CENPW: variants seen among roughly 807,000 people sequenced by gnomAD.
The protein encoded by CENPW is cancer-up-regulated gene 2 protein.
A neutral mutation model predicts 11.1 loss-of-function variants in CENPW; 3 were observed. The ratio of observed to expected loss-of-function variants is 0.27; its 90% CI spans 0.12 to 0.70. CENPW has a LOEUF of 0.70. CENPW is among the 30% of genes least tolerant of loss of function. The pLI is 0.77. For missense variants in CENPW, 100 were observed against 105.6 expected (o/e 0.95, Z 0.23); for synonymous variants, 38 against 42.0 (o/e 0.91, Z 0.37).
chr6:126,401,357 C>T, the CENPW span, among the ~76,000 whole-genome samples: 1 of 151,970 alleles, frequency 6.6e-6, no homozygotes, highest in Admixed American at 6.6e-5. Context: ...GAGGGTGTCT[C>T]TCTAGCCTCC....
the CENPW span, among the ~76,000 whole-genome samples, chr6:126,438,520 C>T: frequency 3.3e-5 from 5 of 151,652 alleles, no homozygotes; most frequent in Non-Finnish European, 7.4e-5. Context: ...GCAGCAGTGC[C>T]TTTTCAGCTG....
At chr6:126,433,821 C>T in the CENPW span, among the ~76,000 whole-genome samples, 15 of 151,996 alleles carry the variant, frequency 9.9e-5, no homozygotes, top group East Asian at 7.7e-4. Context: ...GTAAGGGGAA[C>T]GGCTGAATTT....
At chr6:126,429,924 T>C in the CENPW span, among the ~76,000 whole-genome samples, 1 of 152,230 alleles carries the variant, frequency 6.6e-6, no homozygotes, top group Non-Finnish European at 1.5e-5. Context: ...TTAATTTTGA[T>C]ACAGTTTTTC....
chr6:126,424,645 G>A, the CENPW span, among the ~76,000 whole-genome samples: 5 of 152,074 alleles, frequency 3.3e-5, no homozygotes, highest in Non-Finnish European at 5.9e-5. Flanking sequence ...ACCACTGTTC[G>A]GGGTGCTGTG....
At chr6:126,454,837 A>T in the CENPW span, among the ~76,000 whole-genome samples, 2 of 149,860 alleles carry the variant, frequency 1.3e-5, no homozygotes, top group Non-Finnish European at 3.0e-5. Flanking sequence ...CTAGACAAAT[A>T]AAAAAAGAAA....
At chr6:126,461,956 A>T in the CENPW span, among the ~76,000 whole-genome samples, 1 of 151,964 alleles carries the variant, frequency 6.6e-6, no homozygotes, top group South Asian at 2.1e-4. Context: ...TTCTAACAAC[A>T]TTGTAAGGTG....
At chr6:126,378,800 T>C in the CENPW span, among the ~76,000 whole-genome samples, 1 of 152,104 alleles carries the variant, frequency 6.6e-6, no homozygotes, top group Admixed American at 6.6e-5. Context: ...ATAGCTGCAC[T>C]CTTTAGAGAA....
chr6:126,350,380 G>A (rs982884323), downstream of CENPW, among the ~76,000 whole-genome samples: 2 of 152,102 alleles, frequency 1.3e-5, no homozygotes, highest in Admixed American at 1.3e-4. Context: ...CTTCTGAGTT[G>A]CAGACTGCTA....
the CENPW span, among the ~76,000 whole-genome samples, chr6:126,388,366 G>T: frequency 6.6e-6 from 1 of 151,968 alleles, no homozygotes; most frequent in Non-Finnish European, 1.5e-5. Context: ...GCGATTTACA[G>T]ATAGCACCGG....
downstream of CENPW, among the ~76,000 whole-genome samples, chr6:126,351,816 A>G (rs983835555): frequency 6.6e-6 from 1 of 151,792 alleles, no homozygotes; most frequent in African/African-American, 2.4e-5. Context: ...ATTGATGAAC[A>G]TGAGATGGGT....
At chr6:126,384,790 C>A in the CENPW span, among the ~76,000 whole-genome samples, 2 of 152,102 alleles carry the variant, frequency 1.3e-5, no homozygotes, top group African/African-American at 4.8e-5. Flanking sequence ...AATGAAAGAT[C>A]TTCTGCACAG....
the CENPW span, among the ~76,000 whole-genome samples, chr6:126,401,847 C>T: frequency 5.9e-5 from 9 of 152,132 alleles, no homozygotes; most frequent in East Asian, 1.7e-3. Flanking sequence ...GAGTGGATTC[C>T]TCTTATGTCT....
At chr6:126,417,540 G>C in the CENPW span, among the ~76,000 whole-genome samples, 1 of 152,106 alleles carries the variant, frequency 6.6e-6, no homozygotes, top group Non-Finnish European at 1.5e-5. Flanking sequence ...CCCAGTGGGA[G>C]GTAATCAAAT....
At chr6:126,387,660 A>C in the CENPW span, among the ~76,000 whole-genome samples, 1 of 151,998 alleles carries the variant, frequency 6.6e-6, no homozygotes, top group South Asian at 2.1e-4. Flanking sequence ...GTGTCTTCCT[A>C]AATCAGTAAC....
At chr6:126,413,763 AAAG>A in the CENPW span, among the ~76,000 whole-genome samples, 2 of 151,990 alleles carry the variant, frequency 1.3e-5, no homozygotes, top group South Asian at 4.1e-4. Context: ...AGAAAGAACA[AAAG>A]AATATATAAA....
chr6:126,454,100 T>G, the CENPW span, among the ~76,000 whole-genome samples: 73 of 151,560 alleles, frequency 4.8e-4, no homozygotes, highest in South Asian at 3.9e-3. Flanking sequence ...CAAAGAGACT[T>G]AGATAACCAC....
the CENPW span, among the ~76,000 whole-genome samples, chr6:126,388,616 GCTGT>G: frequency 1.3e-5 from 2 of 151,974 alleles, no homozygotes; most frequent in African/African-American, 2.4e-5. Context: ...ATGAGTTTCA[GCTGT>G]CTGAGAGAAT....
the CENPW span, among the ~76,000 whole-genome samples, chr6:126,477,186 T>G: frequency 6.6e-6 from 1 of 151,962 alleles, no homozygotes; most frequent in African/African-American, 2.4e-5. Flanking sequence ...CTCCAACATA[T>G]TGTTGAAGAA....
chr6:126,413,014 AT>A, the CENPW span, among the ~76,000 whole-genome samples: 1 of 152,036 alleles, frequency 6.6e-6, no homozygotes, highest in Non-Finnish European at 1.5e-5. Flanking sequence ...TCTTTATGAC[AT>A]TTTCCAGAAG....
Sources: gnomAD v4.1 joint callset for allele counts (sites outside exome capture counted in the v4.1 genomes callset) on GRCh38, gnomAD v4.1.1 for gene constraint, MANE v1.5 for transcripts, NCBI Gene and HGNC (gene_info 2026-07-23, HGNC 2026-07-21) for gene names.